CACHD1: variants seen among roughly 807,000 people sequenced by gnomAD.
CACHD1 encodes the protein cache domain containing 1.
Under a neutral mutation model 138.7 loss-of-function variants are expected in CACHD1, and 71 were observed. The observed-to-expected ratio is 0.51, with a 90% CI of 0.42 to 0.62. The LOEUF (loss-of-function observed/expected upper bound fraction) is 0.62. CACHD1 is among the 20% of genes least tolerant of loss of function. The pLI is 0.00. For synonymous variants in CACHD1, 578 were observed against 591.5 expected, an observed-to-expected ratio of 0.98 and a Z score of 0.33; for missense variants, 1,389 against 1,625.3, an observed-to-expected ratio of 0.85 and a Z score of 2.50.
At position 64,635,632 on chromosome 1, in the gene CACHD1, C is replaced by T. The variant is rs186878462; in HGVS notation, c.1006+1372C>T. ...CTCCTGACCTTGTAATCCCCCACCT[C>T]GGCCTCCCAAAGTGCTGGAATTAGA... On this transcript the variant is annotated intron_variant, in intron 7 of 26. Coordinates refer to ENST00000651257, the MANE Select transcript of CACHD1 (RefSeq NM_020925.4). Among the ~76,000 whole-genome samples the T allele has an allele frequency of 4.6e-3, 698 of 151,374 alleles. 5 individuals are homozygous for T. Among genetic ancestry groups the T allele is most frequent in the African/African-American group, 0.016 (672 of 41,296 alleles).
Position 64,602,976 on chromosome 1 carries a change from T to C in CACHD1, c.517+64T>C, listed in dbSNP as rs572582155. 7.7e-6 allele frequency: 8 copies of C among 1,042,524 alleles called. No homozygotes were observed. The South Asian group carries it at 9.5e-5, about 12-fold the overall frequency. 64.6% of individuals were successfully genotyped at this position (1,042,524 alleles called of 1,614,324 possible). ...CTACTGCATTCAAGTTGAATAAACATATTGCTTCAATTTTTTTTTTTAATT... is the reference window on the plus strand; with the variant it reads ...CTACTGCATTCAAGTTGAATAAACACATTGCTTCAATTTTTTTTTTTAATT... On this transcript the variant is annotated intron_variant, in intron 4 of 26. Coordinates refer to ENST00000651257, the MANE Select transcript of CACHD1 (RefSeq NM_020925.4).
intron 9 of CACHD1, among the ~76,000 whole-genome samples, chr1:64,650,908 C>G (rs1453161050): frequency 6.6e-6 from 1 of 152,076 alleles, no homozygotes; most frequent in African/African-American, 2.4e-5. Context: ...CACCTCCCCC[C>G]GCCCCCAACC....
chr1:64,497,015 G>A (rs1646310147), intron 1 of CACHD1, among the ~76,000 whole-genome samples: 1 of 151,804 alleles, frequency 6.6e-6, no homozygotes. Flanking sequence ...ATGTTTCAAA[G>A]CAGGGTGGGA....
intron 2 of CACHD1, among the ~76,000 whole-genome samples, chr1:64,559,833 TAGATAG>T (rs951348945): frequency 3.5e-4 from 53 of 152,278 alleles, no homozygotes; most frequent in Non-Finnish European, 7.1e-4. Flanking sequence ...TTAATAGATA[TAGATAG>T]AGTTTCTTAT....
At chr1:64,640,635 C>T (rs754493650) in intron 7 of CACHD1, among the ~76,000 whole-genome samples, 1 of 151,802 alleles carries the variant, frequency 6.6e-6, no homozygotes, top group Non-Finnish European at 1.5e-5. Context: ...GATCATACTA[C>T]TGCACTCCAG....
intron 26 of CACHD1, among the ~76,000 whole-genome samples, chr1:64,685,914 A>G (rs1056734582): frequency 2.6e-5 from 4 of 152,084 alleles, no homozygotes; most frequent in South Asian, 2.1e-4. Context: ...GACATATGAT[A>G]GGCACGGTGC....
At chr1:64,499,607 A>G (rs999250064) in intron 1 of CACHD1, among the ~76,000 whole-genome samples, 2 of 152,244 alleles carry the variant, frequency 1.3e-5, no homozygotes, top group Non-Finnish European at 2.9e-5. Flanking sequence ...ACTAAAATCT[A>G]TCATTTCTTT....
At chr1:64,553,752 T>G (rs1325387222) in intron 2 of CACHD1, among the ~76,000 whole-genome samples, 1 of 152,228 alleles carries the variant, frequency 6.6e-6, no homozygotes. Context: ...CCTAATTTTT[T>G]GTTAGCAATT....
In CACHD1 at chr1:64,675,425, G is replaced by A; in HGVS notation, c.2752G>A (p.Gly918Ser). Residue 918 changes from glycine (G) to serine (S), a missense_variant, in exon 20 of 27, where the codon GGC becomes AGC. By Grantham distance (56) the Gly-to-Ser change is moderately conservative. This residue lies in a region of CACHD1 where 50 missense variants were observed against 108.2 expected (regional missense o/e 0.46). Transcript: ENST00000651257. Reference sequence around the variant, plus strand: ...GGGGGATTTGACGAACCTTGTGCATGGCAGCCACTGTTCCAAATACAGATT... The same window carrying A: ...GGGGGATTTGACGAACCTTGTGCATAGCAGCCACTGTTCCAAATACAGATT... ...LAGDLTNLVHGSHCSKYRLAR... is the reference protein window; with the variant it reads ...LAGDLTNLVHSSHCSKYRLAR... The A allele has an allele frequency of 1.2e-6, 2 of 1,602,456 alleles. No individual in the cohort carries two copies. The highest frequency in any genetic ancestry group is 1.7e-6 in the Non-Finnish European group (2 of 1,170,752).
intron 2 of CACHD1, among the ~76,000 whole-genome samples, chr1:64,561,768 C>G (rs7550855): frequency 0.81 from 122,252 of 150,204 alleles, 51,723 homozygotes; most frequent in South Asian, 0.94. Context: ...TGAGGTGGGA[C>G]GATTGGTTGA....
chr1:64,673,137 G>A lies in CACHD1; in HGVS notation c.2511-21G>A, dbSNP rs1286566408. 5.1e-6 allele frequency: 8 copies of A among 1,559,982 alleles called. 1 individual carries two copies. Among genetic ancestry groups the A allele is most frequent in the African/African-American group, 1.4e-5 (1 of 73,588 alleles). ...AAAAAACAGCTGATATGAATGAGGG[G>A]CATAACTTGTTTTGGTACAGGTGCT... On this transcript the variant is annotated intron_variant, in intron 17 of 26. Transcript: ENST00000651257.
At chr1:64,524,443 C>G (rs943227091) in intron 1 of CACHD1, among the ~76,000 whole-genome samples, 73 of 152,172 alleles carry the variant, frequency 4.8e-4, no homozygotes, top group African/African-American at 1.7e-3. Context: ...GCACCACTTA[C>G]TGGGTTTTTA....
chr1:64,499,906 A>T (rs1646328902), intron 1 of CACHD1, among the ~76,000 whole-genome samples: 1 of 152,214 alleles, frequency 6.6e-6, no homozygotes, highest in Non-Finnish European at 1.5e-5. Flanking sequence ...GGAGATTCTC[A>T]TACTTCACTG....
intron 1 of CACHD1, among the ~76,000 whole-genome samples, chr1:64,544,913 C>A (rs931137651): frequency 2.0e-5 from 3 of 152,086 alleles, no homozygotes; most frequent in Non-Finnish European, 4.4e-5. Flanking sequence ...AGCTGGAGAA[C>A]TAAGCAATAT....
chr1:64,643,619 G>A (rs1486465538), intron 8 of CACHD1, among the ~76,000 whole-genome samples: 6 of 152,230 alleles, frequency 3.9e-5, no homozygotes, highest in South Asian at 2.1e-4. Flanking sequence ...GGCGGATCAC[G>A]AGGTCAGGAG....
At chr1:64,503,681 T>C (rs796839163) in intron 1 of CACHD1, among the ~76,000 whole-genome samples, 4 of 152,110 alleles carry the variant, frequency 2.6e-5, no homozygotes, top group African/African-American at 7.2e-5. Context: ...TTACTGATGA[T>C]CCCCCCCATA....
At chr1:64,508,066 C>A (rs1216011218) in intron 1 of CACHD1, among the ~76,000 whole-genome samples, 2 of 152,030 alleles carry the variant, frequency 1.3e-5, no homozygotes, top group African/African-American at 4.8e-5. Flanking sequence ...GGTGAGGGGG[C>A]AAAGCAGGCA....
At chr1:64,585,773 T>C (rs1647046761) in intron 3 of CACHD1, among the ~76,000 whole-genome samples, 1 of 152,250 alleles carries the variant, frequency 6.6e-6, no homozygotes, top group Non-Finnish European at 1.5e-5. Flanking sequence ...CTGTGTCTAC[T>C]TGGCTTTGAA....
chr1:64,489,915 C>G (rs1425471993), intron 1 of CACHD1, among the ~76,000 whole-genome samples: 1 of 152,178 alleles, frequency 6.6e-6, no homozygotes, highest in Non-Finnish European at 1.5e-5. Context: ...TGAGCATTTA[C>G]TATGCACTGC....
Sources: gnomAD v4.1 joint callset for allele counts (sites outside exome capture counted in the v4.1 genomes callset) on GRCh38, gnomAD v4.1.1 for gene constraint, gnomAD v4.1.1 regional missense constraint, MANE v1.5 for transcripts, NCBI Gene and HGNC (gene_info 2026-07-23, HGNC 2026-07-21) for gene names.